Variants in ZNF521 observed in about 807,000 individuals in gnomAD.
The protein encoded by ZNF521 is zinc finger protein 521.
A neutral mutation model predicts 105.5 loss-of-function variants in ZNF521; 14 were observed. The observed-to-expected ratio is 0.13, with a 90% CI of 0.09 to 0.21. The LOEUF is 0.21. Among genes scored for constraint, ZNF521 ranks in the 10% least tolerant of loss-of-function variants. The probability of loss-of-function intolerance (pLI) is 1.00; values close to 1 mark genes in which losing one functional copy is unlikely to be tolerated. For synonymous variants in ZNF521, 635 were observed against 606.0 expected (o/e 1.05, Z -0.70); for missense variants, 1,233 against 1,629.7 (o/e 0.76, Z 4.19).
At chr18:25,301,098 A>G (rs1300853963) in intron 3 of ZNF521, among the ~76,000 whole-genome samples, 1 of 152,174 alleles carries the variant, frequency 6.6e-6, no homozygotes, top group Non-Finnish European at 1.5e-5. Flanking sequence ...TTTTTCTTCC[A>G]TCATATCTAT....
intron 5 of ZNF521, among the ~76,000 whole-genome samples, chr18:25,150,116 G>A (rs1234120324): frequency 1.3e-5 from 2 of 152,128 alleles, no homozygotes; most frequent in East Asian, 1.9e-4. Flanking sequence ...CAAGTTAATG[G>A]CATTCACAGC....
intron 3 of ZNF521, among the ~76,000 whole-genome samples, chr18:25,282,401 A>G (rs891975453): frequency 6.6e-6 from 1 of 152,178 alleles, no homozygotes; most frequent in African/African-American, 2.4e-5. Context: ...ACCAGGGAGC[A>G]AAGTGCAGGC....
intron 2 of ZNF521, among the ~76,000 whole-genome samples, chr18:25,343,388 CA>C (rs1265631293): frequency 2.0e-5 from 3 of 152,172 alleles, no homozygotes; most frequent in African/African-American, 2.4e-5. Flanking sequence ...ACTTACTAAA[CA>C]AAGTGCATTT....
chr18:25,075,726 AGAAAACAATAATAAGGGTTAAGTG>A, intron 7 of ZNF521, among the ~76,000 whole-genome samples: 1 of 152,246 alleles, frequency 6.6e-6, no homozygotes, highest in Non-Finnish European at 1.5e-5. Context: ...CACTCAAGAA[AGAAAACAATAATAAGGGTTAAGTG>A]GAAACAGTCT....
At chr18:25,301,279 C>G (rs2145069139) in intron 3 of ZNF521, among the ~76,000 whole-genome samples, 1 of 152,252 alleles carries the variant, frequency 6.6e-6, no homozygotes, top group East Asian at 1.9e-4. Flanking sequence ...CAACTAAAGA[C>G]AGGAAGCTTC....
chr18:25,073,486 C>T (rs189082111), intron 7 of ZNF521, among the ~76,000 whole-genome samples: 9 of 152,302 alleles, frequency 5.9e-5, no homozygotes, highest in Non-Finnish European at 1.0e-4. Flanking sequence ...TTTAGTTACA[C>T]ACTGAAAGAT....
rs553839618 is a variant in ZNF521, at chr18:25,086,793, G to A, written c.3906+2672C>T. ...GTTTGGCCCAGATCACAATTTGTAT[G>A]AGCGAGTCAGAAATGTTTTGGTAGA... On this transcript the variant is annotated intron_variant, in intron 7 of 7. Transcript: ENST00000361524. 5.3e-5 allele frequency among the ~76,000 whole-genome samples: 8 copies of A among 152,226 alleles called. No homozygotes were observed. In the East Asian group the frequency reaches 1.5e-3, roughly 29 times the overall value.
Position 25,279,020 on chromosome 18 carries a change from G to A in ZNF521, c.220+42988C>T, listed in dbSNP as rs150576217. Among the ~76,000 whole-genome samples, 948 of 152,226 alleles carry A rather than the reference G, an allele frequency of 6.2e-3. 11 individuals carry two copies. The highest frequency in any genetic ancestry group is 0.018 in the African/African-American group (757 of 41,522). Reference sequence around the variant, plus strand: ...CTGGTGGGGGAAGACAGAGTGAAGCGCTTAATTTTAATTCTGAAATCAAAT... The same window carrying A: ...CTGGTGGGGGAAGACAGAGTGAAGCACTTAATTTTAATTCTGAAATCAAAT... On this transcript the variant is annotated intron_variant, in intron 3 of 7. Coordinates refer to ENST00000361524, the MANE Select transcript of ZNF521 (RefSeq NM_015461.3).
In ZNF521 at chr18:25,351,074, GCGCTCCGCTCCT is replaced by G. The variant is rs1379012759; in HGVS notation, c.-1-139_-1-128del. On this transcript the variant is annotated intron_variant, in intron 1 of 7. Transcript: ENST00000361524. The stretch of plus-strand genomic sequence containing the variant: ...TCGGCCTCCCTCGCGCCCTCGCTCC[GCGCTCCGCTCCT>G]CGCTCCGGCTCCGGCTCGCGCTCGC... 1.1e-5 allele frequency: 6 copies of G among 527,776 alleles called. No individual in the cohort carries two copies. In the East Asian group the frequency reaches 4.9e-4, roughly 43 times the overall value. 32.7% of individuals were successfully genotyped at this position (527,776 alleles called of 1,614,324 possible). A position where few individuals can be genotyped will look rare whatever the true frequency, so the allele number is the denominator to read the frequency against.
intron 4 of ZNF521, among the ~76,000 whole-genome samples, chr18:25,222,790 T>A (rs1194326945): frequency 6.6e-6 from 1 of 152,194 alleles, no homozygotes; most frequent in Non-Finnish European, 1.5e-5. Flanking sequence ...TTACAGACGA[T>A]ATTATGGGAT....
intron 3 of ZNF521, among the ~76,000 whole-genome samples, chr18:25,260,492 C>T (rs1908830881): frequency 6.6e-6 from 1 of 152,090 alleles, no homozygotes; most frequent in Admixed American, 6.6e-5. Context: ...AGAACCTCAG[C>T]ATCTTCATCT....
chr18:25,175,784 A>G (rs1167647381), intron 5 of ZNF521, among the ~76,000 whole-genome samples: 1 of 152,256 alleles, frequency 6.6e-6, no homozygotes, highest in Non-Finnish European at 1.5e-5. Flanking sequence ...TTCTTGGATC[A>G]ACGGTTTTGC....
intron 3 of ZNF521, among the ~76,000 whole-genome samples, chr18:25,252,130 C>G (rs972039443): frequency 6.6e-6 from 1 of 152,034 alleles, no homozygotes; most frequent in Admixed American, 6.6e-5. Context: ...CATTAGCACC[C>G]CTCTTACTGC....
chr18:25,068,529 C>A (rs1183980759), intron 7 of ZNF521, among the ~76,000 whole-genome samples: 6 of 151,630 alleles, frequency 4.0e-5, no homozygotes, highest in Non-Finnish European at 5.9e-5. Flanking sequence ...TAAACAAAAG[C>A]AATTGGTTTC....
chr18:25,066,371 C>T (rs2033060666), intron 7 of ZNF521, among the ~76,000 whole-genome samples: 1 of 152,164 alleles, frequency 6.6e-6, no homozygotes, highest in Admixed American at 6.5e-5. Flanking sequence ...TGTCTGTTCT[C>T]CTCCCCCACG....
At chr18:25,208,015 T>C (rs1045019445) in intron 4 of ZNF521, among the ~76,000 whole-genome samples, 1 of 152,110 alleles carries the variant, frequency 6.6e-6, no homozygotes, top group Non-Finnish European at 1.5e-5. Flanking sequence ...AAATTTGACA[T>C]CTTGCAAGGA....
chr18:25,224,186 T>A, intron 4 of ZNF521, 159 bp downstream of exon 4: 1 of 704,126 alleles, frequency 1.4e-6, no homozygotes, highest in East Asian at 2.7e-5. Flanking sequence ...AAGCAAGTAA[T>A]TGCTAGCTAA....
chr18:25,269,106 CAAAA>C (rs199827639), intron 3 of ZNF521, among the ~76,000 whole-genome samples: 4 of 60,758 alleles, frequency 6.6e-5, no homozygotes, highest in Admixed American at 1.8e-4. Flanking sequence ...AAATGGAAAG[CAAAA>C]AAAAAAAAAA....
chr18:25,207,243 GA>G (rs2036097696), intron 4 of ZNF521, among the ~76,000 whole-genome samples: 1 of 152,132 alleles, frequency 6.6e-6, no homozygotes, highest in Admixed American at 6.5e-5. Context: ...CCTTGCCCAT[GA>G]CTCACAGAAA....
Sources: allele counts gnomAD v4.1 joint callset (sites outside exome capture counted in the v4.1 genomes callset), GRCh38; gene constraint gnomAD v4.1.1; transcripts MANE v1.5; gene names NCBI Gene and HGNC (gene_info 2026-07-23, HGNC 2026-07-21).